Variants in IL1RAPL2 observed in about 807,000 individuals in gnomAD.
IL1RAPL2 encodes the protein interleukin 1 receptor accessory protein like 2.
Under a neutral mutation model 44.1 loss-of-function variants are expected in IL1RAPL2, and 3 were observed. The ratio of observed to expected loss-of-function variants is 0.07; its 90% CI spans 0.03 to 0.18. The LOEUF (loss-of-function observed/expected upper bound fraction) is 0.18, where lower values mean the gene tolerates loss of function less well. Ranked by LOEUF, IL1RAPL2 falls within the 10% of genes least tolerant of loss-of-function variation. The pLI is 1.00. For missense variants in IL1RAPL2, 391 were observed against 496.4 expected (o/e 0.79, Z 2.02); for synonymous variants, 181 against 178.8 (o/e 1.01, Z -0.10).
At chrX:104,768,688 A>G (rs1932594926) in intron 2 of IL1RAPL2, among the ~76,000 whole-genome samples, 1 of 111,270 alleles carries the variant, frequency 9.0e-6, no homozygotes, top group Admixed American at 9.6e-5. Context: ...GACCCTTACC[A>G]TTTTAGACTT....
chrX:104,991,724 A>C (rs1383441832), intron 2 of IL1RAPL2, among the ~76,000 whole-genome samples: 1 of 112,027 alleles, frequency 8.9e-6, no homozygotes, highest in East Asian at 2.8e-4. Flanking sequence ...TAGGGAATTC[A>C]GAAATTTATA....
At chrX:104,785,192 T>G (rs967408663) in intron 2 of IL1RAPL2, among the ~76,000 whole-genome samples, 1 of 109,811 alleles carries the variant, frequency 9.1e-6, no homozygotes, top group Non-Finnish European at 1.9e-5. Context: ...AAAAAAAAAT[T>G]TGGTAGAGAC....
chrX:104,757,879 A>C (rs1369561055), intron 2 of IL1RAPL2, among the ~76,000 whole-genome samples: 1 of 112,077 alleles, frequency 8.9e-6, no homozygotes, highest in African/African-American at 3.2e-5. Context: ...TCCCTTCCAC[A>C]TGCTTACATC....
intron 5 of IL1RAPL2, among the ~76,000 whole-genome samples, chrX:105,410,355 G>A (rs2035686236): frequency 9.1e-6 from 1 of 109,615 alleles, no homozygotes; most frequent in East Asian, 2.9e-4. Context: ...ATAGGAGGAG[G>A]CAACACCAAG....
At chrX:105,252,237 C>T (rs964912418) in intron 4 of IL1RAPL2, among the ~76,000 whole-genome samples, 1 of 111,186 alleles carries the variant, frequency 9.0e-6, no homozygotes, top group Non-Finnish European at 1.9e-5. Flanking sequence ...ATTTAAGACC[C>T]ATCTATGTTA....
At chrX:104,639,161 G>A (rs767683358) in intron 1 of IL1RAPL2, among the ~76,000 whole-genome samples, 1 of 111,345 alleles carries the variant, frequency 9.0e-6, no homozygotes, top group African/African-American at 3.3e-5. Flanking sequence ...TTTGATATAA[G>A]TATGGCTACT....
intron 6 of IL1RAPL2, among the ~76,000 whole-genome samples, chrX:105,513,170 G>A (rs1181969036): frequency 9.0e-6 from 1 of 111,471 alleles, no homozygotes; most frequent in East Asian, 2.8e-4. Flanking sequence ...GTCTATCATT[G>A]ATGGACATTT....
At chrX:105,751,110 T>G (rs1453238461) in intron 9 of IL1RAPL2, among the ~76,000 whole-genome samples, 1 of 109,897 alleles carries the variant, frequency 9.1e-6, no homozygotes, top group Non-Finnish European at 1.9e-5. Context: ...TCTACAAAAA[T>G]TAGTTTAAAA....
intron 6 of IL1RAPL2, among the ~76,000 whole-genome samples, chrX:105,709,242 T>C (rs921217886): frequency 6.3e-5 from 7 of 111,638 alleles, no homozygotes; most frequent in African/African-American, 1.6e-4. Context: ...GTAGGGTTTA[T>C]AGGCAGGAAA....
At chrX:104,602,582 T>A (rs766687865) in intron 1 of IL1RAPL2, among the ~76,000 whole-genome samples, 1 of 111,537 alleles carries the variant, frequency 9.0e-6, no homozygotes, top group South Asian at 3.9e-4. Context: ...TCCACTGGCT[T>A]GAAATTCTCA....
chrX:104,951,519 C>G (rs780517004), intron 2 of IL1RAPL2, among the ~76,000 whole-genome samples: 2 of 112,515 alleles, frequency 1.8e-5, no homozygotes, highest in South Asian at 7.3e-4. Context: ...GTTAAAAATA[C>G]TTGGCTTCTA....
chrX:105,533,061 G>A (rs916574942), intron 6 of IL1RAPL2, among the ~76,000 whole-genome samples: 4 of 110,215 alleles, frequency 3.6e-5, no homozygotes, highest in Admixed American at 9.7e-5. Flanking sequence ...GTGGTGGTGC[G>A]TGCCTGTAGT....
intron 2 of IL1RAPL2, among the ~76,000 whole-genome samples, chrX:105,133,516 C>T (rs1393252750): frequency 1.8e-5 from 2 of 111,366 alleles, no homozygotes; most frequent in Non-Finnish European, 3.8e-5. Context: ...GCACACACCC[C>T]AAATGTCTTT....
At chrX:104,584,611 G>C (rs1367822975) in intron 1 of IL1RAPL2, among the ~76,000 whole-genome samples, 1 of 110,914 alleles carries the variant, frequency 9.0e-6, no homozygotes, top group African/African-American at 3.3e-5. Flanking sequence ...CCCAAATGTT[G>C]AAAAGCTCCT....
intron 2 of IL1RAPL2, among the ~76,000 whole-genome samples, chrX:105,138,366 G>A (rs1387064050): frequency 1.8e-5 from 2 of 109,061 alleles, no homozygotes; most frequent in Non-Finnish European, 3.8e-5. Flanking sequence ...CAATAATGGA[G>A]CACCTTTCAT....
intron 1 of IL1RAPL2, among the ~76,000 whole-genome samples, chrX:104,627,263 G>A (rs1017585753): frequency 1.0e-5 from 1 of 98,621 alleles, no homozygotes; most frequent in Non-Finnish European, 2.0e-5. Context: ...TTGTCCTTGC[G>A]ATAGTTTGCT....
chrX:104,749,855 A>C (rs1272349771), intron 2 of IL1RAPL2, among the ~76,000 whole-genome samples: 1 of 112,028 alleles, frequency 8.9e-6, no homozygotes, highest in Non-Finnish European at 1.9e-5. Context: ...TACTGTAAAC[A>C]AAATGGTTTC....
rs150573925 is a variant in IL1RAPL2, at chrX:104,872,474, G to A, written c.82+213479G>A. On this transcript the variant is annotated intron_variant, in intron 2 of 10. Transcript: ENST00000372582. Reference sequence around the variant, plus strand: ...AGGCCCTGAAACCTAAGCTTCATTAGCTACATGGTAAATCTGCCTCTGACT... The same window carrying A: ...AGGCCCTGAAACCTAAGCTTCATTAACTACATGGTAAATCTGCCTCTGACT... 8.4e-3 allele frequency among the ~76,000 whole-genome samples: 938 copies of A among 112,049 alleles called. 8 individuals are homozygous for A. Among genetic ancestry groups the A allele is most frequent in the African/African-American group, 0.029 (895 of 30,915 alleles).
chrX:104,657,568 G>C (rs943770084), intron 1 of IL1RAPL2, among the ~76,000 whole-genome samples: 9 of 111,644 alleles, frequency 8.1e-5, no homozygotes, highest in Admixed American at 7.6e-4. Flanking sequence ...CATGGGCAAG[G>C]ACTTCATGAC....
Sources: allele counts gnomAD v4.1 joint callset (sites outside exome capture counted in the v4.1 genomes callset), GRCh38; gene constraint gnomAD v4.1.1; transcripts MANE v1.5; gene names NCBI Gene and HGNC (gene_info 2026-07-23, HGNC 2026-07-21).